MYO15A: variants seen among roughly 807,000 people sequenced by gnomAD.
MYO15A encodes myosin XVA.
Under a neutral mutation model 394.6 loss-of-function variants are expected in MYO15A, and 308 were observed. The ratio of observed to expected loss-of-function variants is 0.78; its 90% CI spans 0.71 to 0.86. The LOEUF is 0.86. MYO15A is among the 40% of genes least tolerant of loss of function. MYO15A has a pLI of 0.00. For missense variants in MYO15A, 4,606 were observed against 4,799.1 expected (o/e 0.96, Z 1.19); for synonymous variants, 1,957 against 2,003.8 (o/e 0.98, Z 0.62).
At chr17:18,141,230 G>A in intron 22 of MYO15A, 87 bp downstream of exon 22, 1 of 1,586,590 alleles carries the variant, frequency 6.3e-7, no homozygotes, top group Non-Finnish European at 8.6e-7. Context: ...GGCAGTACAG[G>A]GCTTGCCATG....
rs775690353 is a variant in MYO15A at position 18,120,286 on chromosome 17, C to A, written c.1486C>A (p.Pro496Thr). ...GTTTGGGAAGGAGAAGCTGGAGGTGCCCCTGCCACCCTCTCTGGACATTCC... is the reference window on the plus strand; with the variant it reads ...GTTTGGGAAGGAGAAGCTGGAGGTGACCCTGCCACCCTCTCTGGACATTCC... ...KLFGKEKLEVPLPPSLDIPLP... is the reference protein window; with the variant it reads ...KLFGKEKLEVTLPPSLDIPLP... The change falls in exon 2 of 66, where the codon CCC (proline) becomes ACC (threonine). Residue 496 changes from proline to threonine, a missense_variant. By Grantham distance (38) the Pro-to-Thr change is conservative (BLOSUM62 -1). Coordinates refer to ENST00000647165, the MANE Select transcript of MYO15A (RefSeq NM_016239.4). 3 of 1,611,818 alleles carry A rather than the reference C, an allele frequency of 1.9e-6. No homozygotes were observed. The highest frequency in any genetic ancestry group is 2.5e-6 in the Non-Finnish European group (3 of 1,179,822).
Position 18,154,723 on chromosome 17 carries a change from A to T in MYO15A, c.8192A>T (p.Glu2731Val), listed in dbSNP as rs747835090. 1.2e-6 allele frequency: 2 copies of T among 1,613,738 alleles called. No individual in the cohort carries two copies. The highest frequency in any genetic ancestry group is 2.2e-5 in the South Asian group (2 of 91,086). The change falls in exon 45 of 66, where the codon GAG becomes GTG. Residue 2731 changes from glutamate (E) to valine (V), a missense_variant. Transcript: ENST00000647165. The part of the protein sequence containing the change: ...TLSEACLRIS[E>V]DERLRMKALF... ...TCCGAGGCCTGCCTTCGCATCTCTG[A>T]GGATGAGAGGCTCAGGATGAAGGCC...
intron 58 of MYO15A, 146 bp from the exon 59 acceptor site, chr17:18,163,098 C>G: frequency 1.2e-6 from 1 of 831,412 alleles, no homozygotes; most frequent in Non-Finnish European, 2.1e-6. Flanking sequence ...GGCTTGCAGA[C>G]AGGCCCTGCG....
intron 7 of MYO15A, among the ~76,000 whole-genome samples, chr17:18,127,729 G>A (rs1313690826): frequency 1.3e-5 from 2 of 151,838 alleles, no homozygotes; most frequent in Admixed American, 6.6e-5. Context: ...CCTACTGTGT[G>A]CCAGTCCCAG....
At chr17:18,133,850 G>T (rs2046215213) in intron 12 of MYO15A, among the ~76,000 whole-genome samples, 1 of 152,068 alleles carries the variant, frequency 6.6e-6, no homozygotes, top group Non-Finnish European at 1.5e-5. Context: ...TAGAGACGGG[G>T]TTTCACCATG....
At chr17:18,154,036 C>T (rs1597806447) in intron 43 of MYO15A, 95 bp from the exon 44 acceptor site, 2 of 1,604,236 alleles carry the variant, frequency 1.2e-6, no homozygotes, top group Non-Finnish European at 1.7e-6. Flanking sequence ...GGTGGGGTTA[C>T]AGCCGGGGCG....
In MYO15A at chr17:18,158,919, C is replaced by T; in HGVS notation, c.9084-6C>T. On this transcript the variant is annotated splice_region_variant and splice_polypyrimidine_tract_variant and intron_variant, in intron 52 of 65. Coordinates refer to ENST00000647165, the MANE Select transcript of MYO15A (RefSeq NM_016239.4). ...ACAGGTCAGTAGCACCCACCTCCCA[C>T]TGCAGGGATGGCCTCAGGCTGAAAT... is the stretch of plus-strand genomic sequence containing the variant. 1 of 1,614,174 alleles carries T rather than the reference C, an allele frequency of 6.2e-7. No individual in the cohort carries two copies. The highest frequency in any genetic ancestry group is 1.3e-5 in the African/African-American group (1 of 75,056).
chr17:18,153,690 C>T lies in MYO15A; in HGVS notation c.7967-85C>T, dbSNP rs371171167. The T allele has an allele frequency of 4.7e-6, 6 of 1,271,900 alleles. No individual in the cohort carries two copies. In the African/African-American group the frequency reaches 9.5e-5, roughly 20 times the overall value. 78.8% of individuals were successfully genotyped at this position (1,271,900 alleles called of 1,614,324 possible). On this transcript the variant is annotated intron_variant, in intron 42 of 65. Transcript: ENST00000647165. This position sits in a 1 kb window ranked among gnomAD's most constrained non-coding sequence, Gnocchi z 4.1. ...TCTAGCCTGGGGGACAACAGCGAAA[C>T]TCCGTCTCAAAAATATATATATATA...
chr17:18,171,818 G>A, intron 63 of MYO15A, 47 bp downstream of exon 63: 4 of 1,588,872 alleles, frequency 2.5e-6, no homozygotes, highest in Non-Finnish European at 3.4e-6. Context: ...GCTTTGCTGA[G>A]GAGGGTGGTC....
At chr17:18,131,384 G>C (rs1242179277) in intron 9 of MYO15A, 42 bp downstream of exon 9, 1 of 1,612,786 alleles carries the variant, frequency 6.2e-7, no homozygotes, top group Non-Finnish European at 8.5e-7. Flanking sequence ...GCCTTGCAGT[G>C]TCTTCCATGT....
At chr17:18,157,680 C>G (rs376461683) in intron 50 of MYO15A, 42 bp from the exon 51 acceptor site, 30 of 1,601,666 alleles carry the variant, frequency 1.9e-5, no homozygotes, top group Middle Eastern at 1.6e-4. Flanking sequence ...AGTCACAAGA[C>G]AAGACCCTCC....
chr17:18,119,350 G>C lies in MYO15A; in HGVS notation c.550G>C (p.Gly184Arg). Residue 184 changes from glycine (G) to arginine (R), a missense_variant, in exon 2 of 66, where the codon GGG becomes CGG. Gly to Arg is a moderately radical substitution (Grantham distance 125, BLOSUM62 -2). Coordinates refer to ENST00000647165, the MANE Select transcript of MYO15A (RefSeq NM_016239.4). ...FPSGAEILRPGGRLRRFPRSR... is the reference protein window; with the variant it reads ...FPSGAEILRPRGRLRRFPRSR... ...GTCGGGTGCCGAGATCCTGCGGCCT[G>C]GGGGCCGGCTCCGGAGGTTCCCCCG... 6.2e-7 allele frequency: 1 copy of C among 1,608,876 alleles called. No homozygotes were observed. The highest frequency in any genetic ancestry group is 8.5e-7 in the Non-Finnish European group (1 of 1,179,048).
chr17:18,169,903 C>T (rs1290430588), intron 62 of MYO15A, among the ~76,000 whole-genome samples: 1 of 134,032 alleles, frequency 7.5e-6, no homozygotes, highest in Non-Finnish European at 1.5e-5. Context: ...AGTTCGAGTT[C>T]GAGGCTGCAG....
chr17:18,157,230 G>T lies in MYO15A; in HGVS notation c.8788G>T (p.Gly2930Cys). The T allele has an allele frequency of 6.2e-7, 1 of 1,602,850 alleles. No individual in the cohort carries two copies. The highest frequency in any genetic ancestry group is 8.5e-7 in the Non-Finnish European group (1 of 1,174,592). The change falls in exon 50 of 66, where the codon GGC (glycine) becomes TGC (cysteine). Residue 2930 changes from glycine (G) to cysteine (C), a missense_variant and splice_region_variant. This residue lies in a region of MYO15A where 2,776 missense variants were observed against 3,109.3 expected (regional missense o/e 0.89). Coordinates refer to ENST00000647165, the MANE Select transcript of MYO15A (RefSeq NM_016239.4). ...GCTGCGACGTAGAGGCCCCGACTTT[G>T]GTGTGTGCCCCAGAACCTGGAACCC... ...EELRRRGPDF[G>C]WRFGTIHGRV...
chr17:18,158,199 C>T (rs1389711467), intron 51 of MYO15A: 1 of 589,362 alleles, frequency 1.7e-6, no homozygotes. Context: ...GTGAAGTCTA[C>T]TGGGTTTGGG....
At position 18,138,887 on chromosome 17, in the gene MYO15A, C is replaced by T. The variant is rs374622768; in HGVS notation, c.5084C>T (p.Pro1695Leu). The change falls in exon 18 of 66, where the codon CCG (proline) becomes CTG (leucine). Residue 1695 changes from proline to leucine, a missense_variant. By Grantham distance (98) the Pro-to-Leu change is moderately conservative. Around this residue, in one of 2 missense-constraint regions of MYO15A, gnomAD observed 2,776 missense variants for 3,109.3 expected, o/e 0.89. Coordinates refer to ENST00000647165, the MANE Select transcript of MYO15A (RefSeq NM_016239.4). Reference sequence around the variant, plus strand: ...CCGCTCTATTCCAAACCCAAGATGCCGCTGCCTGAGTTCACCATCAAGCAC... The same window carrying T: ...CCGCTCTATTCCAAACCCAAGATGCTGCTGCCTGAGTTCACCATCAAGCAC... Reference protein sequence around the residue: ...ANPLYSKPKMPLPEFTIKHYA... With the variant: ...ANPLYSKPKMLLPEFTIKHYA... The T allele has an allele frequency of 1.1e-5, 18 of 1,613,348 alleles. No individual in the cohort carries two copies. In the African/African-American group the frequency reaches 1.7e-4, roughly 16 times the overall value.
intron 65 of MYO15A, among the ~76,000 whole-genome samples, chr17:18,176,235 G>A (rs2047011800): frequency 6.6e-6 from 1 of 152,146 alleles, no homozygotes; most frequent in African/African-American, 2.4e-5. Context: ...TCTGGCTCAC[G>A]GTTCTGCAGG....
intron 53 of MYO15A, 42 bp downstream of exon 53, chr17:18,159,039 T>G (rs748107756): frequency 1.2e-6 from 2 of 1,602,558 alleles, no homozygotes; most frequent in Non-Finnish European, 1.7e-6. Context: ...TGTAAAATGG[T>G]GATGCAGGGG....
chr17:18,173,718 G>C (rs762606933), intron 64 of MYO15A, 63 bp from the exon 65 acceptor site: 2 of 1,608,222 alleles, frequency 1.2e-6, no homozygotes, highest in African/African-American at 2.7e-5. Flanking sequence ...CAGGGCAGGG[G>C]TAAGAGTGGT....
Sources: allele counts gnomAD v4.1 joint callset (sites outside exome capture counted in the v4.1 genomes callset), GRCh38; gene constraint gnomAD v4.1.1; regional missense constraint gnomAD v4.1.1; non-coding constraint Gnocchi (gnomAD v3.1); transcripts MANE v1.5; gene names NCBI Gene and HGNC (gene_info 2026-07-23, HGNC 2026-07-21).